The following ZFAND2A variants were observed in gnomAD, a reference collection of about 807,000 sequenced individuals.
The protein encoded by ZFAND2A is AN1-type zinc finger protein 2A.
A neutral mutation model predicts 11.6 loss-of-function variants in ZFAND2A; 20 were observed. That is an observed-to-expected ratio of 1.72 (90% CI 1.21 to 2.50). ZFAND2A has a LOEUF of 2.50. Among genes scored for constraint, ZFAND2A ranks in the 30% most tolerant of loss-of-function variants. The pLI, the probability that ZFAND2A is intolerant of heterozygous loss-of-function variation, is 0.00. For missense variants in ZFAND2A, 234 were observed against 182.9 expected (o/e 1.28, Z -1.61); for synonymous variants, 93 against 60.6 (o/e 1.54, Z -2.48).
Position 1,157,655 on chromosome 7 carries a change from C to G in ZFAND2A, c.150+1G>C. On this transcript the variant is annotated splice_donor_variant, in intron 3 of 4. Transcript: ENST00000316495. LOFTEE classifies it high-confidence loss of function. ...AATCTTTTGAACAAAGGATCAATTA[C>G]CTTCTGGAATGCAAACGGACACTTA... 1 of 1,576,508 alleles carries G rather than the reference C, an allele frequency of 6.3e-7. No homozygotes were observed. The highest frequency in any genetic ancestry group is 8.6e-7 in the Non-Finnish European group (1 of 1,166,786).
At chr7:1,152,288 G>GCC, downstream of ZFAND2A, 1 of 1,585,412 alleles carries the variant, frequency 6.3e-7, no homozygotes, top group East Asian at 2.3e-5. Flanking sequence ...CCCGCCAGGA[G>GCC]CCAGGGTGAG....
At chr7:1,152,387 ACCG>A, downstream of ZFAND2A, 1 of 1,484,018 alleles carries the variant, frequency 6.7e-7, no homozygotes, top group Non-Finnish European at 9.0e-7. Context: ...CCATGTGCTG[ACCG>A]CAAGAACCCA....
intron 2 of ZFAND2A, 128 bp from the exon 3 acceptor site, chr7:1,157,878 C>T: frequency 1.3e-6 from 1 of 758,346 alleles, no homozygotes; most frequent in South Asian, 1.9e-5. Flanking sequence ...GAGGGCCACA[C>T]ATGTGAAAAC....
intron 2 of ZFAND2A, 110 bp downstream of exon 2, chr7:1,158,048 A>G (rs1046613101): frequency 1.3e-5 from 15 of 1,115,832 alleles, no homozygotes; most frequent in East Asian, 2.4e-5. Flanking sequence ...CACAGTTCCC[A>G]ATACTGAGGA....
intron 1 of ZFAND2A, among the ~76,000 whole-genome samples, chr7:1,158,618 T>C (rs562253182): frequency 6.6e-6 from 1 of 152,330 alleles, no homozygotes; most frequent in African/African-American, 2.4e-5. Flanking sequence ...AACAAAACTC[T>C]GTTACTAGGT....
intron 3 of ZFAND2A, among the ~76,000 whole-genome samples, chr7:1,155,981 C>G (rs924356677): frequency 6.6e-6 from 1 of 152,228 alleles, no homozygotes; most frequent in African/African-American, 2.4e-5. Flanking sequence ...TGCGGTTTCC[C>G]CAGTGGCTTC....
intron 1 of ZFAND2A, among the ~76,000 whole-genome samples, chr7:1,159,517 A>AG (rs1482344409): frequency 3.9e-4 from 48 of 123,634 alleles, no homozygotes; most frequent in Middle Eastern, 4.6e-3. Flanking sequence ...CCCAGCAGAC[A>AG]GCCGGACCCC....
downstream of ZFAND2A, chr7:1,152,311 C>T (rs558239746): frequency 2.4e-4 from 380 of 1,582,032 alleles, no homozygotes; most frequent in Non-Finnish European, 3.0e-4. Flanking sequence ...AATCTCCCAA[C>T]GGCCTGGATT....
Position 1,152,950 on chromosome 7 carries a change from C to T in ZFAND2A, c.*119G>A, listed in dbSNP as rs770686240. On this transcript the variant is annotated 3_prime_UTR_variant, in exon 5 of 5. Transcript: ENST00000316495. ...TTTATTATAGTCCCATCTCCCTCAA[C>T]AAACAAGATCAGCAGCCAGTGTGGG... The T allele has an allele frequency of 1.4e-6, 2 of 1,385,998 alleles. No individual in the cohort carries two copies. Among genetic ancestry groups the T allele is most frequent in the African/African-American group, 2.9e-5 (2 of 69,762 alleles). The allele number at this position is 1,385,998 out of a possible 1,614,324, so 85.9% of individuals were successfully genotyped here.
chr7:1,155,706 G>C, intron 3 of ZFAND2A, 122 bp from the exon 4 acceptor site: 3 of 1,286,712 alleles, frequency 2.3e-6, no homozygotes, highest in South Asian at 3.0e-5. Context: ...CCGGTCTCCC[G>C]AGCCCTCCGA....
chr7:1,158,145 TA>T lies in ZFAND2A; in HGVS notation c.55+12del. 6.2e-7 allele frequency: 1 copy of T among 1,612,850 alleles called. No individual in the cohort carries two copies. ...AAATACCATTTTCTATTAAGTCTCT[TA>T]AAAGTACTCACCTAGCTGCTTGCAA... On this transcript the variant is annotated intron_variant, in intron 2 of 4. Coordinates refer to ENST00000316495, the MANE Select transcript of ZFAND2A (RefSeq NM_182491.4).
downstream of ZFAND2A, among the ~76,000 whole-genome samples, chr7:1,150,246 T>A (rs1273606726): frequency 3.3e-5 from 5 of 152,092 alleles, no homozygotes; most frequent in South Asian, 2.1e-4. Context: ...TTCCCCTGAC[T>A]GCAGGTCTGA....
chr7:1,157,860 A>AGGTC, intron 2 of ZFAND2A, 110 bp from the exon 3 acceptor site: 1 of 830,838 alleles, frequency 1.2e-6, no homozygotes, highest in Non-Finnish European at 1.9e-6. Context: ...TGAGATGGAC[A>AGGTC]GGTCCTCGAG....
At chr7:1,158,605 A>G (rs1364439872) in intron 1 of ZFAND2A, among the ~76,000 whole-genome samples, 2 of 152,230 alleles carry the variant, frequency 1.3e-5, no homozygotes, top group East Asian at 3.8e-4. Flanking sequence ...ACTTGTTCAC[A>G]TAAACAAAAC....
downstream of ZFAND2A, among the ~76,000 whole-genome samples, chr7:1,152,625 G>C (rs1029001473): frequency 2.0e-5 from 3 of 152,106 alleles, no homozygotes; most frequent in Non-Finnish European, 4.4e-5. Flanking sequence ...CACGACTGTG[G>C]GATCACATGA....
chr7:1,150,228 A>C (rs1793373652), downstream of ZFAND2A, among the ~76,000 whole-genome samples: 1 of 152,192 alleles, frequency 6.6e-6, no homozygotes, highest in South Asian at 2.1e-4. Context: ...TCATCGACAG[A>C]AACATCGTTC....
chr7:1,150,542 G>A (rs189288229), downstream of ZFAND2A, among the ~76,000 whole-genome samples: 3 of 152,270 alleles, frequency 2.0e-5, no homozygotes, highest in South Asian at 2.1e-4. Context: ...TACGTTACCC[G>A]TGTTCATCAC....
chr7:1,157,681 T>C lies in ZFAND2A; in HGVS notation c.125A>G (p.His42Arg), dbSNP rs374801648. Residue 42 changes from histidine to arginine, a missense_variant, in exon 3 of 5, where the codon CAT (histidine) becomes CGT (arginine). Physicochemically the swap from His to Arg is conservative, Grantham distance 29. Coordinates refer to ENST00000316495, the MANE Select transcript of ZFAND2A (RefSeq NM_182491.4). ...FCKDHFPYAA[H>R]KCPFAFQKDV... is the part of the protein sequence containing the mutation. ...CTTCTGGAATGCAAACGGACACTTA[T>C]GTGCAGCGTATGGAAAATGATCTTT... is the stretch of plus-strand genomic sequence containing the variant. The C allele has an allele frequency of 1.8e-5, 29 of 1,573,730 alleles. No homozygotes were observed. The highest frequency in any genetic ancestry group is 2.1e-5 in the Non-Finnish European group (24 of 1,165,734).
rs761585142 is a variant in ZFAND2A at position 1,157,631 on chromosome 7, A to T, written c.150+25T>A. The T allele has an allele frequency of 5.1e-6, 8 of 1,572,092 alleles. No homozygotes were observed. In the South Asian group the frequency reaches 9.5e-5, roughly 19 times the overall value. ...GCAGCTTCAGACGGTGAAGATGAGAATCTTTTGAACAAAGGATCAATTACC... is the reference window on the plus strand; with the variant it reads ...GCAGCTTCAGACGGTGAAGATGAGATTCTTTTGAACAAAGGATCAATTACC... On this transcript the variant is annotated intron_variant, in intron 3 of 4. Coordinates refer to ENST00000316495, the MANE Select transcript of ZFAND2A (RefSeq NM_182491.4).
Sources: allele counts gnomAD v4.1 joint callset (sites outside exome capture counted in the v4.1 genomes callset), GRCh38; gene constraint gnomAD v4.1.1; transcripts MANE v1.5; gene names NCBI Gene and HGNC (gene_info 2026-07-23, HGNC 2026-07-21).